The following KCNMA1 variants were observed in gnomAD, a reference collection of about 807,000 sequenced individuals.
KCNMA1 encodes Calcium-activated potassium channel subunit alpha-1.
A neutral mutation model predicts 140.0 loss-of-function variants in KCNMA1; 29 were observed. The observed-to-expected ratio is 0.21, with a 90% CI of 0.15 to 0.28. The LOEUF (loss-of-function observed/expected upper bound fraction) is 0.28. KCNMA1 is among the 10% of genes least tolerant of loss of function. The pLI is 1.00. For missense variants in KCNMA1, 880 were observed against 1,602.2 expected, an observed-to-expected ratio of 0.55 and a Z score of 7.70; for synonymous variants, 612 against 611.9, an observed-to-expected ratio of 1.00 and a Z score of 0.00.
rs1388685293 is a variant in KCNMA1, at chr10:77,306,311, G to T, written c.541-55055C>A. On this transcript the variant is annotated intron_variant, in intron 2 of 27. Transcript: ENST00000286628. ...GGGGGTTCATTAGGGAATGCAAAGG[G>T]AAAGTACAGCAAGCTATGAGCTGTG... Among the ~76,000 whole-genome samples the T allele has an allele frequency of 2.0e-5, 3 of 152,222 alleles. No homozygotes were observed. In the South Asian group the frequency reaches 6.2e-4, roughly 31 times the overall value.
intron 1 of KCNMA1, among the ~76,000 whole-genome samples, chr10:77,464,441 C>T (rs734883): frequency 0.048 from 7,305 of 151,762 alleles, 423 homozygotes; most frequent in African/African-American, 0.13. Context: ...CATTTTAAGC[C>T]TTGATATCTC....
chr10:77,457,343 C>T (rs1038724857), intron 1 of KCNMA1, among the ~76,000 whole-genome samples: 11 of 152,200 alleles, frequency 7.2e-5, no homozygotes, highest in African/African-American at 2.7e-4. Context: ...TTTCTCCCTC[C>T]TTCTGCATTT....
intron 27 of KCNMA1, 110 bp downstream of exon 27, chr10:76,889,341 T>C (rs1432515070): frequency 1.7e-5 from 13 of 768,888 alleles, no homozygotes; most frequent in Admixed American, 5.6e-5. Context: ...GCAGAGTAAT[T>C]TGCATGTTGA....
intron 3 of KCNMA1, among the ~76,000 whole-genome samples, chr10:77,188,871 C>T (rs1286880753): frequency 6.6e-6 from 1 of 152,132 alleles, no homozygotes; most frequent in Non-Finnish European, 1.5e-5. Context: ...CAAAATCTCA[C>T]TGCTAGCAGT....
At chr10:77,206,816 A>AGGGGGG (rs202180223) in intron 3 of KCNMA1, among the ~76,000 whole-genome samples, 4 of 48,622 alleles carry the variant, frequency 8.2e-5, no homozygotes, top group Admixed American at 2.4e-4. Context: ...GCAGGGAGGG[A>AGGGGGG]GGGGGGGGCG....
chr10:77,100,848 C>T (rs771689698), intron 9 of KCNMA1, among the ~76,000 whole-genome samples: 46 of 152,116 alleles, frequency 3.0e-4, no homozygotes, highest in Admixed American at 3.3e-4. Context: ...AAATCATATT[C>T]GAATTATTTT....
intron 2 of KCNMA1, among the ~76,000 whole-genome samples, chr10:77,395,281 T>C (rs1468334680): frequency 6.6e-6 from 1 of 151,976 alleles, no homozygotes; most frequent in Non-Finnish European, 1.5e-5. Flanking sequence ...ACCCAGGAGT[T>C]TGAGGTTGCA....
chr10:77,445,312 C>T (rs1438010713), intron 1 of KCNMA1, among the ~76,000 whole-genome samples: 1 of 151,896 alleles, frequency 6.6e-6, no homozygotes, highest in Admixed American at 6.6e-5. Flanking sequence ...ATCCTCCATC[C>T]ACCTCTGCAT....
chr10:77,407,340 A>T (rs982607775), intron 1 of KCNMA1, among the ~76,000 whole-genome samples: 1 of 152,212 alleles, frequency 6.6e-6, no homozygotes, highest in Non-Finnish European at 1.5e-5. Context: ...GGGAGCAGGC[A>T]TTATAACTCC....
intron 1 of KCNMA1, among the ~76,000 whole-genome samples, chr10:77,555,062 A>ACACG: frequency 6.6e-6 from 1 of 151,898 alleles, no homozygotes; most frequent in Middle Eastern, 3.2e-3. Context: ...CCACATACAC[A>ACACG]CACGCACGCA....
chr10:77,043,431 A>G (rs543980856), intron 14 of KCNMA1, among the ~76,000 whole-genome samples: 14 of 152,354 alleles, frequency 9.2e-5, no homozygotes, highest in South Asian at 6.2e-4. Context: ...GGAAAACAGT[A>G]TGGTGGTTCC....
intron 1 of KCNMA1, among the ~76,000 whole-genome samples, chr10:77,538,483 G>A (rs553969436): frequency 1.3e-5 from 2 of 152,208 alleles, no homozygotes; most frequent in South Asian, 4.2e-4. Context: ...ATTACCCCCA[G>A]CTGGACTTCT....
chr10:77,423,057 C>T (rs1352982375), intron 1 of KCNMA1, among the ~76,000 whole-genome samples: 3 of 152,222 alleles, frequency 2.0e-5, no homozygotes, highest in South Asian at 2.1e-4. Flanking sequence ...GAGGAAGCCA[C>T]GATGTCAGCT....
intron 1 of KCNMA1, among the ~76,000 whole-genome samples, chr10:77,537,552 T>C (rs554798832): frequency 6.6e-6 from 1 of 152,274 alleles, no homozygotes; most frequent in African/African-American, 2.4e-5. Flanking sequence ...TGCAGAAAAA[T>C]TAAAATCACT....
intron 5 of KCNMA1, among the ~76,000 whole-genome samples, chr10:77,159,614 T>C (rs1399591497): frequency 6.6e-6 from 1 of 152,174 alleles, no homozygotes; most frequent in Non-Finnish European, 1.5e-5. Flanking sequence ...TCCCCTAATT[T>C]TCAGGCCTTT....
intron 1 of KCNMA1, among the ~76,000 whole-genome samples, chr10:77,460,555 A>G (rs1045399533): frequency 2.0e-5 from 3 of 151,494 alleles, no homozygotes; most frequent in Non-Finnish European, 4.4e-5. Context: ...ACACACACAC[A>G]CGCACACCAT....
chr10:77,589,533 C>T (rs1252833827), intron 1 of KCNMA1, among the ~76,000 whole-genome samples: 14 of 152,192 alleles, frequency 9.2e-5, no homozygotes, highest in Admixed American at 9.2e-4. Context: ...TGAACACACA[C>T]ACACACACGC....
chr10:77,226,838 G>A (rs2051627912), intron 3 of KCNMA1, among the ~76,000 whole-genome samples: 1 of 152,152 alleles, frequency 6.6e-6, no homozygotes. Flanking sequence ...AGTGCACAAT[G>A]GGAGATTGTT....
chr10:77,456,660 C>T (rs558893059), intron 1 of KCNMA1, among the ~76,000 whole-genome samples: 4 of 152,302 alleles, frequency 2.6e-5, no homozygotes, highest in African/African-American at 4.8e-5. Flanking sequence ...CTGCCTGCAT[C>T]GAGCACTATG....
Sources: allele counts gnomAD v4.1 joint callset (sites outside exome capture counted in the v4.1 genomes callset), GRCh38; gene constraint gnomAD v4.1.1; transcripts MANE v1.5; gene names NCBI Gene and HGNC (gene_info 2026-07-23, HGNC 2026-07-21).